Variants in SH2B2 observed in about 807,000 individuals in gnomAD.
The protein encoded by SH2B2 is SH2B adaptor protein 2.
SH2B2 carries 37 observed loss-of-function variants against 35.7 expected under a neutral mutation model. The observed-to-expected ratio is 1.04, with a 90% CI of 0.80 to 1.36. The LOEUF is 1.36. SH2B2 is among the 40% of genes most tolerant of loss of function. The pLI, the probability that SH2B2 is intolerant of heterozygous loss-of-function variation, is 0.00. For missense variants in SH2B2, 852 were observed against 817.7 expected (o/e 1.04, Z -0.51); for synonymous variants, 383 against 376.4 (o/e 1.02, Z -0.20).
intron 1 of SH2B2, among the ~76,000 whole-genome samples, chr7:102,298,443 T>C (rs1393727708): frequency 1.3e-5 from 2 of 152,092 alleles, no homozygotes; most frequent in East Asian, 1.9e-4. Flanking sequence ...GTTGTTGTTT[T>C]TGAGACAGAG....
chr7:102,300,523 C>G lies in SH2B2; in HGVS notation c.-28C>G. On this transcript the variant is annotated splice_region_variant and 5_prime_UTR_variant, in exon 2 of 9. Transcript: ENST00000444095. ...ACTGCGCGCTCTTCTCGCCCGAAGC[C>G]GCAGGTGGCTGCGATGGGACGGAAG... 1 of 1,532,500 alleles carries G rather than the reference C, an allele frequency of 6.5e-7. No homozygotes were observed. Among genetic ancestry groups the G allele is most frequent in the Non-Finnish European group, 8.8e-7 (1 of 1,142,390 alleles). The allele number at this position is 1,532,500 out of a possible 1,614,324, so 94.9% of individuals were successfully genotyped here. A position where few individuals can be genotyped will look rare whatever the true frequency, so the allele number is the denominator to read the frequency against.
In SH2B2 at chr7:102,306,714, C is replaced by G; in HGVS notation, c.730-7C>G. On this transcript the variant is annotated splice_polypyrimidine_tract_variant and splice_region_variant and intron_variant, in intron 2 of 8. Transcript: ENST00000444095. ...GGGCCACTCACTATCCTTCTTCTGG[C>G]CCCCAGGCCTCCAGGCCCAAGGTCA... The G allele has an allele frequency of 6.4e-7, 1 of 1,574,562 alleles. No individual in the cohort carries two copies. Among genetic ancestry groups the G allele is most frequent in the Non-Finnish European group, 8.6e-7 (1 of 1,158,222 alleles).
intron 2 of SH2B2, among the ~76,000 whole-genome samples, chr7:102,301,559 CGTGTGT>C (rs144412397): frequency 0.01 from 1,473 of 145,144 alleles, 31 homozygotes; most frequent in African/African-American, 0.035. Flanking sequence ...TGTGTGTGTC[CGTGTGT>C]GTGTGTGTGT....
chr7:102,312,963 C>T (rs1793680700), intron 4 of SH2B2, among the ~76,000 whole-genome samples: 1 of 151,546 alleles, frequency 6.6e-6, no homozygotes, highest in African/African-American at 2.4e-5. Flanking sequence ...AACCCCATCT[C>T]TACTAAAAAT....
intron 6 of SH2B2, among the ~76,000 whole-genome samples, chr7:102,316,860 A>G (rs1441650861): frequency 1.3e-5 from 2 of 151,984 alleles, no homozygotes; most frequent in Non-Finnish European, 2.9e-5. Context: ...CTCTACTAAA[A>G]ATACAAAAAT....
chr7:102,309,629 G>T, intron 4 of SH2B2: 1 of 219,706 alleles, frequency 4.6e-6, no homozygotes, highest in Non-Finnish European at 9.4e-6. Context: ...CCGAAGTGCT[G>T]GGATTACCGG....
upstream of SH2B2, among the ~76,000 whole-genome samples, chr7:102,286,647 C>G (rs1292392835): frequency 1.3e-5 from 2 of 151,752 alleles, no homozygotes; most frequent in South Asian, 4.1e-4. Flanking sequence ...CTCCGGGCCC[C>G]AGGACCGGGC....
At chr7:102,318,553 CG>C (rs2133046861) in intron 7 of SH2B2, among the ~76,000 whole-genome samples, 1 of 152,300 alleles carries the variant, frequency 6.6e-6, no homozygotes, top group Non-Finnish European at 1.5e-5. Flanking sequence ...CCCAGGTTTC[CG>C]ATAAGGAAAC....
chr7:102,288,919 G>A (rs1792564515), intron 1 of SH2B2, among the ~76,000 whole-genome samples: 1 of 152,206 alleles, frequency 6.6e-6, no homozygotes, highest in Non-Finnish European at 1.5e-5. Flanking sequence ...AGGAATTGGG[G>A]GTTTAGGGGC....
chr7:102,312,143 G>A (rs1357460013), intron 4 of SH2B2, among the ~76,000 whole-genome samples: 1 of 151,564 alleles, frequency 6.6e-6, no homozygotes, highest in African/African-American at 2.4e-5. Flanking sequence ...GGAGGCCGAG[G>A]CAGGCGGATC....
Position 102,297,296 on chromosome 7 carries a change from G to A in SH2B2, c.-29-3226G>A, listed in dbSNP as rs1248111697. On this transcript the variant is annotated intron_variant, in intron 1 of 8. Coordinates refer to ENST00000444095, the MANE Select transcript of SH2B2 (RefSeq NM_001359228.2). The surrounding 1 kb of genome is among the most constrained non-coding windows in gnomAD (Gnocchi z 4.3). ...GTAGCGGGCCAGGTGCAAGTGGCTC[G>A]TGCCTGTAATTTCAGCACTTTGGGA... Among the ~76,000 whole-genome samples the A allele has an allele frequency of 6.6e-6, 1 of 151,860 alleles. No homozygotes were observed. The highest frequency in any genetic ancestry group is 2.4e-5 in the African/African-American group (1 of 41,316).
chr7:102,298,224 G>A (rs1299281748), intron 1 of SH2B2, among the ~76,000 whole-genome samples: 1 of 152,172 alleles, frequency 6.6e-6, no homozygotes, highest in Admixed American at 6.5e-5. Context: ...TTGTGCAGAG[G>A]AGGGATGTGA....
At position 102,308,818 on chromosome 7, in the gene SH2B2, G is replaced by C. The variant is rs1554555364; in HGVS notation, c.835G>C (p.Glu279Gln). ...TCCCGGCCACCTTCCTCCCCAGGTA[G>C]AGAATGGAGCCGAATACATCTTGGA... ...EKDNTFVLKV[E>Q]NGAEYILETI... Residue 279 changes from glutamate to glutamine, a missense_variant, in exon 4 of 9, where the codon GAG (glutamate) becomes CAG (glutamine). By Grantham distance (29) the Glu-to-Gln change is conservative. Transcript: ENST00000444095. The C allele has an allele frequency of 6.2e-7, 1 of 1,613,452 alleles. No homozygotes were observed. The highest frequency in any genetic ancestry group is 8.5e-7 in the Non-Finnish European group (1 of 1,179,628).
Position 102,301,061 on chromosome 7 carries a change from C to T in SH2B2, c.511C>T (p.Pro171Ser). Residue 171 changes from proline (P) to serine (S), a missense_variant, in exon 2 of 9, where the codon CCC (proline) becomes TCC (serine). Around this residue, in one of 3 missense-constraint regions of SH2B2, gnomAD observed 294 missense variants for 286.6 expected, o/e 1.03. Transcript: ENST00000444095. ...GGCAGCTGCCCCGCGCACCGCCGAG[C>T]CCCGCGACAAGTGGACGCGGCGCCT... is the stretch of plus-strand genomic sequence containing the variant. ...DAAAAPRTAE[P>S]RDKWTRRLRL... The T allele has an allele frequency of 2.2e-6, 3 of 1,380,718 alleles. No individual in the cohort carries two copies. In the South Asian group the frequency reaches 4.8e-5, roughly 22 times the overall value. 85.5% of individuals were successfully genotyped at this position (1,380,718 alleles called of 1,614,324 possible). A position where few individuals can be genotyped will look rare whatever the true frequency, so the allele number is the denominator to read the frequency against.
chr7:102,310,562 G>A (rs1793581441), intron 4 of SH2B2, among the ~76,000 whole-genome samples: 2 of 152,196 alleles, frequency 1.3e-5, no homozygotes, highest in Admixed American at 6.5e-5. Flanking sequence ...GCCAGGAGTA[G>A]GAGGGATAGG....
intron 1 of SH2B2, among the ~76,000 whole-genome samples, chr7:102,290,740 G>A (rs1303877919): frequency 1.3e-5 from 2 of 152,200 alleles, no homozygotes; most frequent in African/African-American, 4.8e-5. Context: ...AGATGTGAGG[G>A]GAGAAGGGTT....
intron 4 of SH2B2, among the ~76,000 whole-genome samples, chr7:102,313,910 C>CAA (rs1175762478): frequency 3.6e-4 from 47 of 129,276 alleles, no homozygotes; most frequent in African/African-American, 1.2e-3. Flanking sequence ...GACTCCGTCT[C>CAA]AAAAAAAAAA....
chr7:102,301,233 C>G lies in SH2B2; in HGVS notation c.683C>G (p.Ala228Gly). Reference protein sequence around the residue: ...WQKCRLLLRRAVAEERFRLEF... With the variant: ...WQKCRLLLRRGVAEERFRLEF... The stretch of plus-strand genomic sequence containing the variant: ...AAGTGCCGCCTGCTCCTGCGCAGGG[C>G]TGTGGCCGAGGAACGCTTCCGCCTG... The change falls in exon 2 of 9, where the codon GCT becomes GGT. Residue 228 changes from alanine (A) to glycine (G), a missense_variant. Coordinates refer to ENST00000444095, the MANE Select transcript of SH2B2 (RefSeq NM_001359228.2). 4 of 1,603,816 alleles carry G rather than the reference C, an allele frequency of 2.5e-6. No homozygotes were observed. The highest frequency in any genetic ancestry group is 3.4e-6 in the Non-Finnish European group (4 of 1,176,068).
chr7:102,319,682 C>T (rs2242587), intron 7 of SH2B2, among the ~76,000 whole-genome samples: 34,924 of 151,944 alleles, frequency 0.23, 4,650 homozygotes, highest in Non-Finnish European at 0.29. Context: ...CAGTGGGATA[C>T]ATGTTGAGCA....
Sources: allele counts gnomAD v4.1 joint callset (sites outside exome capture counted in the v4.1 genomes callset), GRCh38; gene constraint gnomAD v4.1.1; regional missense constraint gnomAD v4.1.1; non-coding constraint Gnocchi (gnomAD v3.1); transcripts MANE v1.5; gene names NCBI Gene and HGNC (gene_info 2026-07-23, HGNC 2026-07-21).